IQCM: variants seen among roughly 807,000 people sequenced by gnomAD.
IQCM encodes the protein IQ domain-containing protein M.
A neutral mutation model predicts 57.6 loss-of-function variants in IQCM; 45 were observed. The ratio of observed to expected loss-of-function variants is 0.78; its 90% confidence interval spans 0.62 to 1.00. IQCM has a LOEUF of 1.00. IQCM is among the 50% of genes least tolerant of loss of function. IQCM has a pLI of 0.00. For synonymous variants in IQCM, 148 were observed against 158.9 expected (o/e 0.93, Z 0.51); for missense variants, 468 against 511.6 (o/e 0.91, Z 0.82).
chr4:149,690,295 C>G (rs766079984), intron 5 of IQCM, among the ~76,000 whole-genome samples: 1 of 152,046 alleles, frequency 6.6e-6, no homozygotes, highest in African/African-American at 2.4e-5. Context: ...AGATTGGAGA[C>G]TATTATTCTA....
At chr4:149,773,241 A>T (rs1770757121) in intron 2 of IQCM, among the ~76,000 whole-genome samples, 1 of 151,942 alleles carries the variant, frequency 6.6e-6, no homozygotes, top group Admixed American at 6.6e-5. Flanking sequence ...AGTTCCAGCT[A>T]CTTGGGAGGC....
At chr4:149,409,130 C>T (rs1733192810) in intron 13 of IQCM, among the ~76,000 whole-genome samples, 1 of 152,204 alleles carries the variant, frequency 6.6e-6, no homozygotes, top group African/African-American at 2.4e-5. Flanking sequence ...TCTTGGGCTA[C>T]TTCCAAGGCC....
intron 13 of IQCM, among the ~76,000 whole-genome samples, chr4:149,395,342 C>T (rs1732148188): frequency 6.6e-6 from 1 of 151,950 alleles, no homozygotes; most frequent in Non-Finnish European, 1.5e-5. Context: ...TAGAGATTTA[C>T]TTTTACAGTA....
Position 149,683,011 on chromosome 4 carries a change from C to T in IQCM, c.477-805G>A, listed in dbSNP as rs541849214. Among the ~76,000 whole-genome samples the T allele has an allele frequency of 2.4e-4, 36 of 151,200 alleles. 1 individual carries two copies. The highest frequency in any genetic ancestry group is 6.8e-3 in the Middle Eastern group (2 of 294). On this transcript the variant is annotated intron_variant, in intron 6 of 13. Transcript: ENST00000636793. The stretch of plus-strand genomic sequence containing the variant: ...CTCTGTTTAAGTGTACATAAATGCA[C>T]GCAAAATTTTATACTATTATTTTGC...
chr4:149,743,571 C>T (rs907032890), intron 2 of IQCM, among the ~76,000 whole-genome samples: 2 of 152,134 alleles, frequency 1.3e-5, no homozygotes, highest in African/African-American at 4.8e-5. Context: ...ATATCAGAAT[C>T]ACCTAAGGAG....
chr4:149,442,447 G>C (rs1350436874), intron 12 of IQCM, among the ~76,000 whole-genome samples: 1 of 151,894 alleles, frequency 6.6e-6, no homozygotes, highest in Admixed American at 6.6e-5. Context: ...AACAAAAACA[G>C]GCTGCACATT....
intron 12 of IQCM, among the ~76,000 whole-genome samples, chr4:149,492,901 A>C (rs1742246568): frequency 6.6e-6 from 1 of 152,136 alleles, no homozygotes; most frequent in South Asian, 2.1e-4. Flanking sequence ...ATGGTCTCCA[A>C]AGGGCAGAGA....
chr4:149,715,156 C>T (rs1003705955), intron 5 of IQCM, among the ~76,000 whole-genome samples: 3 of 152,190 alleles, frequency 2.0e-5, no homozygotes, highest in Non-Finnish European at 4.4e-5. Context: ...CTGAGTTTTG[C>T]TGGGGCCTGC....
At chr4:149,424,327 T>A (rs1340702068) in intron 13 of IQCM, among the ~76,000 whole-genome samples, 1 of 151,600 alleles carries the variant, frequency 6.6e-6, no homozygotes, top group Non-Finnish European at 1.5e-5. Context: ...AACAGCAAAA[T>A]CAAAATAAAT....
At chr4:149,403,249 T>G (rs1010060938) in intron 13 of IQCM, among the ~76,000 whole-genome samples, 1 of 152,084 alleles carries the variant, frequency 6.6e-6, no homozygotes, top group Admixed American at 6.6e-5. Flanking sequence ...TCTTTTTACT[T>G]TTTTTCCTCT....
At chr4:149,577,089 T>G (rs1359596319) in intron 9 of IQCM, among the ~76,000 whole-genome samples, 3 of 151,930 alleles carry the variant, frequency 2.0e-5, no homozygotes, top group Non-Finnish European at 4.4e-5. Context: ...TGGGGTTGTT[T>G]TTTGCTTGTT....
At chr4:149,620,428 G>T (rs1439216291) in intron 8 of IQCM, among the ~76,000 whole-genome samples, 1 of 152,104 alleles carries the variant, frequency 6.6e-6, no homozygotes, top group Non-Finnish European at 1.5e-5. Flanking sequence ...GAAGATAAAG[G>T]ACAGGACAGA....
chr4:149,575,364 CT>C (rs906762847), intron 9 of IQCM, among the ~76,000 whole-genome samples: 128 of 151,882 alleles, frequency 8.4e-4, no homozygotes, highest in African/African-American at 2.8e-3. Context: ...TTTACTATTC[CT>C]TTTCCACTGT....
intron 10 of IQCM, among the ~76,000 whole-genome samples, chr4:149,558,724 T>A (rs763904313): frequency 6.6e-6 from 1 of 152,114 alleles, no homozygotes; most frequent in African/African-American, 2.4e-5. Context: ...TTCTCAGAAA[T>A]ATGATGAGAT....
chr4:149,409,582 T>G (rs1041551704), intron 13 of IQCM, among the ~76,000 whole-genome samples: 1 of 152,230 alleles, frequency 6.6e-6, no homozygotes, highest in Non-Finnish European at 1.5e-5. Flanking sequence ...GTTGGAAATT[T>G]GTGTGGTGAC....
intron 7 of IQCM, among the ~76,000 whole-genome samples, chr4:149,663,805 G>A (rs1760446104): frequency 6.6e-6 from 1 of 152,096 alleles, no homozygotes; most frequent in South Asian, 2.1e-4. Context: ...GTACATCAGA[G>A]AAGATTTTTG....
Position 149,621,190 on chromosome 4 carries a change from G to C in IQCM, c.620C>G (p.Ala207Gly), listed in dbSNP as rs746306188. The C allele has an allele frequency of 3.1e-5, 38 of 1,231,832 alleles. No individual in the cohort carries two copies. The highest frequency in any genetic ancestry group is 3.6e-5 in the Non-Finnish European group (36 of 987,806). 76.3% of individuals were successfully genotyped at this position (1,231,832 alleles called of 1,614,324 possible). Residue 207 changes from alanine to glycine, a missense_variant, in exon 8 of 14, where the codon GCT becomes GGT. Transcript: ENST00000636793. ...GFVLTRSFRLACDSRRVSFSQ... is the reference protein window; with the variant it reads ...GFVLTRSFRLGCDSRRVSFSQ... ...GAAACTAACTCGACGGGAGTCACAA[G>C]CCAAACGGAAAGACCTTGTCAGCAC...
chr4:149,761,348 C>T (rs185050976), intron 2 of IQCM, among the ~76,000 whole-genome samples: 1 of 152,176 alleles, frequency 6.6e-6, no homozygotes, highest in Non-Finnish European at 1.5e-5. Context: ...TACTGATGCT[C>T]AATAAGTTTG....
chr4:149,404,898 C>G (rs1368803150), intron 13 of IQCM, among the ~76,000 whole-genome samples: 2 of 151,972 alleles, frequency 1.3e-5, no homozygotes, highest in Admixed American at 6.6e-5. Flanking sequence ...ATATATTTAA[C>G]AGACACAGAC....
Sources: gnomAD v4.1 joint callset for allele counts (sites outside exome capture counted in the v4.1 genomes callset) on GRCh38, gnomAD v4.1.1 for gene constraint, MANE v1.5 for transcripts, NCBI Gene and HGNC (gene_info 2026-07-23, HGNC 2026-07-21) for gene names.